RANBP2: variants seen among roughly 807,000 people sequenced by gnomAD.
RANBP2 encodes RAN binding protein 2.
Under a neutral mutation model 303.6 loss-of-function variants are expected in RANBP2, and 57 were observed. That is an observed-to-expected ratio of 0.19 (90% CI 0.15 to 0.23). The LOEUF is 0.23. Ranked by LOEUF, RANBP2 falls within the 10% of genes least tolerant of loss-of-function variation. The pLI, the probability that RANBP2 is intolerant of heterozygous loss-of-function variation, is 1.00. For synonymous variants in RANBP2, 1,167 were observed against 1,301.5 expected, an observed-to-expected ratio of 0.90 and a Z score of 2.23; for missense variants, 3,138 against 3,780.8, an observed-to-expected ratio of 0.83 and a Z score of 4.46.
At chr2:109,074,608 G>C in the RANBP2 span, among the ~76,000 whole-genome samples, 1 of 150,046 alleles carries the variant, frequency 6.7e-6, no homozygotes, top group Non-Finnish European at 1.5e-5. Context: ...GGCTGAGGCA[G>C]AGAATAGCTT....
the RANBP2 span, among the ~76,000 whole-genome samples, chr2:109,329,432 G>A: frequency 1.3e-5 from 2 of 152,246 alleles, no homozygotes; most frequent in Non-Finnish European, 2.9e-5. Context: ...TTTTCAATGA[G>A]ATGTAAATCA....
At chr2:108,858,187 T>A in the RANBP2 span, among the ~76,000 whole-genome samples, 1 of 152,050 alleles carries the variant, frequency 6.6e-6, no homozygotes, top group Admixed American at 6.5e-5. Context: ...GTACTAAAAA[T>A]ATAAAAATTA....
the RANBP2 span, among the ~76,000 whole-genome samples, chr2:109,021,245 C>A: frequency 1.3e-5 from 2 of 152,126 alleles, no homozygotes; most frequent in Non-Finnish European, 2.9e-5. Context: ...GCAAAGCCAT[C>A]GGGCGCGGTG....
rs773528621 is a variant in RANBP2 at position 108,763,836 on chromosome 2, C to T, written c.3297C>T (p.Phe1099=). 2.0e-5 allele frequency: 32 copies of T among 1,614,020 alleles called. No individual in the cohort carries two copies. In the South Asian group the frequency reaches 3.4e-4, roughly 17 times the overall value. The change falls in exon 20 of 29, where the codon TTC becomes TTT. Residue 1099 remains phenylalanine, a synonymous_variant. Transcript: ENST00000283195. ...GGQTIGPRNT[F]NFGSKNVSGI... is the part of the protein sequence containing the mutation. ...AAACCATTGGGCCTCGAAATACATT[C>T]AATTTTGGAAGCAAAAATGTGTCTG...
the RANBP2 span, chr2:109,398,880 C>G: frequency 6.2e-7 from 1 of 1,613,804 alleles, no homozygotes; most frequent in Non-Finnish European, 8.5e-7. Context: ...TCAGCTCCAG[C>G]GATCCCCGAG....
the RANBP2 span, among the ~76,000 whole-genome samples, chr2:109,346,182 A>AT: frequency 8.7e-3 from 1,302 of 150,214 alleles, 13 homozygotes; most frequent in African/African-American, 0.03. Context: ...AAGCAAACGG[A>AT]TTTTTTTTTT....
the RANBP2 span, among the ~76,000 whole-genome samples, chr2:109,244,276 A>C: frequency 1.3e-5 from 2 of 152,236 alleles, no homozygotes. Flanking sequence ...ACAACAAAGC[A>C]TTATGCAACA....
the RANBP2 span, among the ~76,000 whole-genome samples, chr2:109,301,755 C>T: frequency 6.6e-6 from 1 of 152,222 alleles, no homozygotes; most frequent in Non-Finnish European, 1.5e-5. Flanking sequence ...GCTGGCCTTG[C>T]ACTTTCCTAC....
At chr2:108,929,997 G>A in the RANBP2 span, 10 of 1,232,354 alleles carry the variant, frequency 8.1e-6, no homozygotes, top group Admixed American at 2.5e-5. Context: ...CAGGGAGCGT[G>A]ACCGGCTGGT....
chr2:109,416,690 A>G, the RANBP2 span, among the ~76,000 whole-genome samples: 1 of 151,856 alleles, frequency 6.6e-6, no homozygotes, highest in East Asian at 2.0e-4. Flanking sequence ...ATATTGTGCC[A>G]CTGTACTCCA....
chr2:109,384,873 C>T, the RANBP2 span, among the ~76,000 whole-genome samples: 71,940 of 151,700 alleles, frequency 0.47, 17,129 homozygotes, highest in Middle Eastern at 0.55. Flanking sequence ...GAGGGTCCCA[C>T]TTCCCCCACA....
chr2:108,897,555 T>C, the RANBP2 span, among the ~76,000 whole-genome samples: 1 of 152,280 alleles, frequency 6.6e-6, no homozygotes, highest in Admixed American at 6.5e-5. Context: ...CAAGTTATCC[T>C]TAGTTGGGTA....
the RANBP2 span, among the ~76,000 whole-genome samples, chr2:108,955,919 C>T: frequency 6.6e-6 from 1 of 151,338 alleles, no homozygotes; most frequent in Non-Finnish European, 1.5e-5. Flanking sequence ...GTCCCAGCTA[C>T]TCGGGAGGCT....
At chr2:109,674,957 G>A in the RANBP2 span, among the ~76,000 whole-genome samples, 1 of 151,992 alleles carries the variant, frequency 6.6e-6, no homozygotes, top group Non-Finnish European at 1.5e-5. Context: ...TAGTTGGCCA[G>A]ACTTCATTTT....
the RANBP2 span, among the ~76,000 whole-genome samples, chr2:109,177,564 T>A: frequency 1.8e-4 from 28 of 152,094 alleles, no homozygotes; most frequent in African/African-American, 6.5e-4. Context: ...GGGGGCACCA[T>A]TCCTACAAAG....
chr2:109,137,819 T>G, the RANBP2 span, among the ~76,000 whole-genome samples: 3 of 152,336 alleles, frequency 2.0e-5, no homozygotes, highest in Non-Finnish European at 4.4e-5. Flanking sequence ...CTGCCACTGT[T>G]GCTGTTTGAT....
At chr2:109,099,851 TG>T in the RANBP2 span, among the ~76,000 whole-genome samples, 2 of 152,198 alleles carry the variant, frequency 1.3e-5, no homozygotes, top group African/African-American at 4.8e-5. Context: ...TCTTAAGTAC[TG>T]GGGGTTCTAA....
chr2:109,124,159 T>C, the RANBP2 span, among the ~76,000 whole-genome samples: 13 of 151,408 alleles, frequency 8.6e-5, no homozygotes, highest in African/African-American at 3.2e-4. Context: ...TAAAGGCACA[T>C]GCCACCACAT....
At chr2:109,327,846 G>T in the RANBP2 span, among the ~76,000 whole-genome samples, 2 of 152,114 alleles carry the variant, frequency 1.3e-5, no homozygotes, top group African/African-American at 4.8e-5. Flanking sequence ...TTTCATGTTT[G>T]CCCTTTGCAT....
Sources: gnomAD v4.1 joint callset for allele counts (sites outside exome capture counted in the v4.1 genomes callset) on GRCh38, gnomAD v4.1.1 for gene constraint, MANE v1.5 for transcripts, NCBI Gene and HGNC (gene_info 2026-07-23, HGNC 2026-07-21) for gene names.